FAM200B: variants seen among roughly 807,000 people sequenced by gnomAD.
FAM200B encodes the protein protein FAM200B.
Under a neutral mutation model 33.1 loss-of-function variants are expected in FAM200B, and 32 were observed. The observed-to-expected ratio is 0.97, with a 90% CI of 0.73 to 1.30. The LOEUF is 1.30. FAM200B is among the 50% of genes most tolerant of loss of function. The pLI, the probability that FAM200B is intolerant of heterozygous loss-of-function variation, is 0.00. For synonymous variants in FAM200B, 240 were observed against 264.8 expected (o/e 0.91, Z 0.91); for missense variants, 741 against 754.0 (o/e 0.98, Z 0.20).
chr4:15,645,802 G>GTAACATTATTGT, the FAM200B span, among the ~76,000 whole-genome samples: 1 of 152,112 alleles, frequency 6.6e-6, no homozygotes, highest in Admixed American at 6.5e-5. Flanking sequence ...ATGGTTGTTA[G>GTAACATTATTGT]TACTCAATAA....
the FAM200B span, among the ~76,000 whole-genome samples, chr4:15,666,944 CAT>C: frequency 9.3e-5 from 14 of 151,240 alleles, no homozygotes; most frequent in Admixed American, 8.6e-4. Context: ...ACATTGTAGA[CAT>C]ATATCAAAAC....
At position 15,687,584 on chromosome 4, in the gene FAM200B, C is replaced by T. The variant is rs904780370; in HGVS notation, c.607C>T (p.Arg203Ter). The T allele has an allele frequency of 9.7e-6, 15 of 1,550,436 alleles. No homozygotes were observed. Among genetic ancestry groups the T allele is most frequent in the East Asian group, 2.4e-5 (1 of 40,880 alleles). The part of the protein sequence containing the change: ...TIPNDNTVSL[R>*]ICTIAEHLET... The stretch of plus-strand genomic sequence containing the variant: ...ACCTAATGATAACACAGTATCTCTT[C>T]GAATTTGTACTATTGCAGAACATTT... Residue 203 changes from arginine to a stop codon, truncating the protein, a stop_gained, in exon 2 of 2, where the codon CGA becomes TGA. Transcript: ENST00000422728. LOFTEE classifies it high-confidence loss of function.
In FAM200B at chr4:15,686,918, C is replaced by G; in HGVS notation, c.-60C>G. 1.1e-6 allele frequency: 1 copy of G among 893,894 alleles called. No homozygotes were observed. The allele number at this position is 893,894 out of a possible 1,614,324, so 55.4% of individuals were successfully genotyped here. A position where few individuals can be genotyped will look rare whatever the true frequency, so the allele number is the denominator to read the frequency against. ...TATTTAGACTGTATATTTTTTTCTT[C>G]TTTTTTGAGTTAGTGCCAATTATAA... On this transcript the variant is annotated 5_prime_UTR_variant, in exon 2 of 2. Coordinates refer to ENST00000422728, the MANE Select transcript of FAM200B (RefSeq NM_001145191.2).
chr4:15,687,493 TC>T lies in FAM200B; in HGVS notation c.518del (p.Pro173GlnfsTer19), dbSNP rs1718977399. On this transcript the variant is annotated frameshift_variant, in exon 2 of 2. Coordinates refer to ENST00000422728, the MANE Select transcript of FAM200B (RefSeq NM_001145191.2). LOFTEE classifies it high-confidence loss of function. ...ANTAAEKIIL[P>X]ACLDMVRTIF... ...ACACAGCTGCTGAAAAAATTATTCTTCCAGCATGTTTGGATATGGTGCGTAC... is the reference window on the plus strand; with the variant it reads ...ACACAGCTGCTGAAAAAATTATTCTTCAGCATGTTTGGATATGGTGCGTAC... 6.4e-7 allele frequency: 1 copy of T among 1,551,120 alleles called. No homozygotes were observed.
the FAM200B span, among the ~76,000 whole-genome samples, chr4:15,657,871 T>C: frequency 1.3e-5 from 2 of 152,172 alleles, no homozygotes; most frequent in Non-Finnish European, 2.9e-5. Context: ...TCACTTTACC[T>C]CTCTGTGAGA....
the FAM200B span, among the ~76,000 whole-genome samples, chr4:15,653,903 G>A: frequency 6.6e-6 from 1 of 152,188 alleles, no homozygotes; most frequent in Non-Finnish European, 1.5e-5. Flanking sequence ...TAGACATCAG[G>A]ACTTCTAATA....
At chr4:15,655,692 A>G in the FAM200B span, among the ~76,000 whole-genome samples, 4 of 152,216 alleles carry the variant, frequency 2.6e-5, no homozygotes, top group African/African-American at 9.6e-5. Flanking sequence ...GAGGAGAGGC[A>G]GCCAAGCACA....
the FAM200B span, chr4:15,638,473 A>G: frequency 1.1e-5 from 16 of 1,470,534 alleles, no homozygotes; most frequent in Non-Finnish European, 1.3e-5. Flanking sequence ...TGACCTTACA[A>G]CTAATAAATT....
the FAM200B span, among the ~76,000 whole-genome samples, chr4:15,653,909 T>C: frequency 1.3e-5 from 2 of 152,224 alleles, no homozygotes; most frequent in African/African-American, 2.4e-5. Flanking sequence ...TCAGGACTTC[T>C]AATAGTTTTT....
upstream of FAM200B, among the ~76,000 whole-genome samples, chr4:15,681,085 G>A (rs1036032638): frequency 6.6e-6 from 1 of 151,808 alleles, no homozygotes; most frequent in African/African-American, 2.4e-5. Context: ...TTAGAGGACA[G>A]AAATATACAT....
chr4:15,649,254 C>T, the FAM200B span, among the ~76,000 whole-genome samples: 3 of 151,848 alleles, frequency 2.0e-5, no homozygotes, highest in East Asian at 1.9e-4. Flanking sequence ...ATTTTTAACC[C>T]GGTACCTAAA....
the FAM200B span, among the ~76,000 whole-genome samples, chr4:15,669,089 C>A: frequency 6.6e-6 from 1 of 152,150 alleles, no homozygotes; most frequent in African/African-American, 2.4e-5. Context: ...TCAGACACAA[C>A]TGAATTAGAT....
the FAM200B span, among the ~76,000 whole-genome samples, chr4:15,640,386 C>A: frequency 1.0e-5 from 1 of 97,302 alleles, no homozygotes; most frequent in Non-Finnish European, 2.0e-5. Context: ...TACTAAACTA[C>A]ACTACTGAAA....
chr4:15,670,840 G>C, the FAM200B span, among the ~76,000 whole-genome samples: 5 of 149,908 alleles, frequency 3.3e-5, no homozygotes, highest in East Asian at 9.8e-4. Flanking sequence ...CGGATCTACT[G>C]ATGAATCCTT....
the FAM200B span, among the ~76,000 whole-genome samples, chr4:15,657,803 A>C: frequency 5.3e-5 from 8 of 152,214 alleles, no homozygotes; most frequent in African/African-American, 1.4e-4. Context: ...GTGTAGTATC[A>C]TTACCATAGG....
At chr4:15,664,661 A>C in the FAM200B span, among the ~76,000 whole-genome samples, 1 of 146,760 alleles carries the variant, frequency 6.8e-6, no homozygotes, top group Non-Finnish European at 1.5e-5. Context: ...GGGTTCAAGC[A>C]ATTCTCCTGC....
chr4:15,688,826 ATC>A lies in FAM200B; in HGVS notation c.1851_1852del (p.Leu618AsnfsTer30). On this transcript the variant is annotated frameshift_variant, in exon 2 of 2. Transcript: ENST00000422728. LOFTEE classifies it high-confidence loss of function. ...TTSLCELGFS[I>X]LTQLKTKERN... ...TAGTTTGTGTGAACTAGGGTTTTCC[ATC>A]TTAACGCAGTTAAAAACAAAGGAAA... 6.4e-7 allele frequency: 1 copy of A among 1,551,544 alleles called. No individual in the cohort carries two copies. The highest frequency in any genetic ancestry group is 8.7e-7 in the Non-Finnish European group (1 of 1,146,866).
chr4:15,645,866 C>T, the FAM200B span, among the ~76,000 whole-genome samples: 54 of 152,284 alleles, frequency 3.5e-4, no homozygotes, highest in East Asian at 7.7e-4. Context: ...TAAATTCATA[C>T]ATTTTTTACT....
the FAM200B span, among the ~76,000 whole-genome samples, chr4:15,663,996 G>C: frequency 6.6e-6 from 1 of 152,074 alleles, no homozygotes. Context: ...CTCTTATCCT[G>C]ATTTTTCAGA....
Sources: allele counts gnomAD v4.1 joint callset (sites outside exome capture counted in the v4.1 genomes callset), GRCh38; gene constraint gnomAD v4.1.1; transcripts MANE v1.5; gene names NCBI Gene and HGNC (gene_info 2026-07-23, HGNC 2026-07-21).